The following SEC24B variants were observed in gnomAD, a reference collection of about 807,000 sequenced individuals.
SEC24B encodes the protein SEC24 homolog B, COPII component.
SEC24B carries 45 observed loss-of-function variants against 142.8 expected under a neutral mutation model. That is an observed-to-expected ratio of 0.32 (90% CI 0.25 to 0.40). The LOEUF (loss-of-function observed/expected upper bound fraction) is 0.40, where lower values mean the gene tolerates loss of function less well. Among genes scored for constraint, SEC24B ranks in the 10% least tolerant of loss-of-function variants. The pLI, the probability that SEC24B is intolerant of heterozygous loss-of-function variation, is 1.00. For missense variants in SEC24B, 1,409 were observed against 1,526.8 expected, an observed-to-expected ratio of 0.92 and a Z score of 1.29; for synonymous variants, 574 against 568.2, an observed-to-expected ratio of 1.01 and a Z score of -0.15.
At chr4:109,442,265 G>A (rs1245330709) in intron 1 of SEC24B, among the ~76,000 whole-genome samples, 1 of 152,114 alleles carries the variant, frequency 6.6e-6, no homozygotes, top group African/African-American at 2.4e-5. Context: ...GCTGTGCCAG[G>A]CATTACTCCT....
chr4:109,531,582 A>G (rs1207754881), intron 20 of SEC24B, 60 bp downstream of exon 20: 22 of 1,293,322 alleles, frequency 1.7e-5, no homozygotes, highest in Admixed American at 8.8e-5. Flanking sequence ...GTCTTGTTCT[A>G]CAGCTAAGAT....
At chr4:109,519,920 TAAAG>T (rs1723422169) in intron 11 of SEC24B, among the ~76,000 whole-genome samples, 1 of 152,346 alleles carries the variant, frequency 6.6e-6, no homozygotes, top group African/African-American at 2.4e-5. Context: ...ATCTTATTAA[TAAAG>T]AAAGCTTGAC....
At chr4:109,478,337 G>A (rs1405301935) in intron 3 of SEC24B, among the ~76,000 whole-genome samples, 1 of 151,722 alleles carries the variant, frequency 6.6e-6, no homozygotes, top group Non-Finnish European at 1.5e-5. Context: ...ACTGAGTGTT[G>A]GTGGGTGGTT....
chr4:109,461,791 C>G (rs1157308859), intron 1 of SEC24B, among the ~76,000 whole-genome samples: 3 of 151,992 alleles, frequency 2.0e-5, no homozygotes, highest in African/African-American at 7.3e-5. Context: ...TGTTACTTTT[C>G]TAGTTAGGAA....
rs546293275 is a variant in SEC24B at position 109,530,378 on chromosome 4, A to G, written c.3166A>G (p.Thr1056Ala). The change falls in exon 19 of 24, where the codon ACT (threonine) becomes GCT (alanine). Residue 1056 changes from threonine (T) to alanine (A), a missense_variant. By Grantham distance (58) the Thr-to-Ala change is moderately conservative. Coordinates refer to ENST00000265175, the MANE Select transcript of SEC24B (RefSeq NM_006323.5). ...VVDSLSAYGS[T>A]VSNLQHSALM... ...GGACTCATTGTCTGCATATGGCTCAACTGTCTCAAATTTACAGCACTCTGC... is the reference window on the plus strand; with the variant it reads ...GGACTCATTGTCTGCATATGGCTCAGCTGTCTCAAATTTACAGCACTCTGC... 58 of 1,614,132 alleles carry G rather than the reference A, an allele frequency of 3.6e-5. 1 individual carries two copies. In the South Asian group the frequency reaches 4.6e-4, roughly 13 times the overall value.
At chr4:109,459,898 G>T (rs188163133) in intron 1 of SEC24B, among the ~76,000 whole-genome samples, 9 of 152,266 alleles carry the variant, frequency 5.9e-5, no homozygotes, top group Admixed American at 4.6e-4. Context: ...ACAGTGAAAG[G>T]TAGCAGATCC....
rs1276392547 is a variant in SEC24B, at chr4:109,491,321, T to C, written c.1166-6T>C. On this transcript the variant is annotated splice_region_variant and splice_polypyrimidine_tract_variant and intron_variant, in intron 4 of 23. Transcript: ENST00000265175. The stretch of plus-strand genomic sequence containing the variant: ...AACCTAGTAGATATTTTGGTTTTCC[T>C]TTTAGGTGTTGACAGCTCTTCTACC... The C allele has an allele frequency of 1.9e-6, 3 of 1,608,814 alleles. No individual in the cohort carries two copies. Among genetic ancestry groups the C allele is most frequent in the Non-Finnish European group, 2.5e-6 (3 of 1,176,498 alleles).
At chr4:109,522,372 C>A (rs781026101) in intron 14 of SEC24B, among the ~76,000 whole-genome samples, 7 of 152,068 alleles carry the variant, frequency 4.6e-5, no homozygotes, top group Non-Finnish European at 8.8e-5. Flanking sequence ...CTCAAATTAT[C>A]TTTTTGGTTT....
At chr4:109,436,204 A>C (rs995649123) in intron 1 of SEC24B, among the ~76,000 whole-genome samples, 6 of 152,132 alleles carry the variant, frequency 3.9e-5, no homozygotes, top group African/African-American at 1.4e-4. Context: ...TATCCTCCAG[A>C]AGGATTTTTG....
intron 4 of SEC24B, among the ~76,000 whole-genome samples, chr4:109,489,683 A>G (rs1469842382): frequency 7.6e-6 from 1 of 131,678 alleles, no homozygotes; most frequent in African/African-American, 3.0e-5. Context: ...TGTGATATAT[A>G]CATATGATAA....
At chr4:109,518,913 C>T (rs1723286781) in intron 11 of SEC24B, among the ~76,000 whole-genome samples, 1 of 149,766 alleles carries the variant, frequency 6.7e-6, no homozygotes, top group Admixed American at 6.7e-5. Flanking sequence ...CTCAAGTGAT[C>T]CTCCCACTTC....
At position 109,481,771 on chromosome 4, in the gene SEC24B, T is replaced by G. The variant is rs1733766664; in HGVS notation, c.1155T>G (p.Asp385Glu). The change falls in exon 4 of 24, where the codon GAT becomes GAG. Residue 385 changes from aspartate to glutamate, a missense_variant. Coordinates refer to ENST00000265175, the MANE Select transcript of SEC24B (RefSeq NM_006323.5). ...ATGATGAGGAAGAGGAGGAGGAGGA[T>G]GAGGAAGCAGGTCTGCTTTAGCTTT... ...TSDDEEEEEE[D>E]EEAGVDSSST... 6 of 1,613,066 alleles carry G rather than the reference T, an allele frequency of 3.7e-6. No individual in the cohort carries two copies. Among genetic ancestry groups the G allele is most frequent in the Non-Finnish European group, 5.1e-6 (6 of 1,179,180 alleles).
intron 5 of SEC24B, among the ~76,000 whole-genome samples, chr4:109,494,120 C>G (rs981293525): frequency 1.3e-5 from 2 of 151,912 alleles, no homozygotes; most frequent in African/African-American, 2.4e-5. Flanking sequence ...ACTTTATTAA[C>G]TTTGTGTGTG....
chr4:109,492,903 A>G (rs1404217508), intron 5 of SEC24B, among the ~76,000 whole-genome samples: 2 of 149,852 alleles, frequency 1.3e-5, no homozygotes, highest in Non-Finnish European at 3.0e-5. Flanking sequence ...TTCTTTTCAT[A>G]AAGATGGGGT....
chr4:109,457,532 A>G (rs1396709), intron 1 of SEC24B, among the ~76,000 whole-genome samples: 64,675 of 152,154 alleles, frequency 0.43, 16,423 homozygotes, highest in South Asian at 0.57. Context: ...GCCCTTTTAT[A>G]TCAATCTCAC....
chr4:109,460,105 T>G (rs190024620), intron 1 of SEC24B, among the ~76,000 whole-genome samples: 1 of 152,290 alleles, frequency 6.6e-6, no homozygotes, highest in East Asian at 1.9e-4. Flanking sequence ...TTCTGTATAC[T>G]TCTTGGAATT....
chr4:109,446,474 C>G (rs1729473326), intron 1 of SEC24B, among the ~76,000 whole-genome samples: 1 of 152,168 alleles, frequency 6.6e-6, no homozygotes, highest in Non-Finnish European at 1.5e-5. Context: ...CTCTGACCTC[C>G]AGAACTCTAA....
intron 3 of SEC24B, 112 bp downstream of exon 3, chr4:109,473,298 A>G: frequency 1.6e-6 from 1 of 644,142 alleles, no homozygotes; most frequent in Non-Finnish European, 2.4e-6. Context: ...TTGGAATATT[A>G]ACTTACAGTG....
chr4:109,510,343 T>C (rs893265169), intron 8 of SEC24B, among the ~76,000 whole-genome samples: 1 of 152,196 alleles, frequency 6.6e-6, no homozygotes, highest in Non-Finnish European at 1.5e-5. Flanking sequence ...CTCCAAAAAG[T>C]TCTTATCTAA....
Sources: gnomAD v4.1 joint callset for allele counts (sites outside exome capture counted in the v4.1 genomes callset) on GRCh38, gnomAD v4.1.1 for gene constraint, MANE v1.5 for transcripts, NCBI Gene and HGNC (gene_info 2026-07-23, HGNC 2026-07-21) for gene names.